The following PTPRG variants were observed in gnomAD, a reference collection of about 807,000 sequenced individuals.
PTPRG encodes the protein protein tyrosine phosphatase receptor type G, also known as receptor-type tyrosine-protein phosphatase gamma.
In PTPRG, 102 loss-of-function variants were observed where a neutral mutation model predicts 165.3. The ratio of observed to expected loss-of-function variants is 0.62; its 90% CI spans 0.53 to 0.73. The LOEUF is 0.73. Ranked by LOEUF, PTPRG falls within the 30% of genes least tolerant of loss-of-function variation. The probability of loss-of-function intolerance (pLI) is 0.00; values close to 1 mark genes in which losing one functional copy is unlikely to be tolerated. For missense variants in PTPRG, 1,866 were observed against 1,861.4 expected, an observed-to-expected ratio of 1.00 and a Z score of -0.05; for synonymous variants, 675 against 669.5, an observed-to-expected ratio of 1.01 and a Z score of -0.13.
At chr3:61,890,424 T>TG (rs2038180837) in intron 2 of PTPRG, among the ~76,000 whole-genome samples, 1 of 12,654 alleles carries the variant, frequency 7.9e-5, no homozygotes, top group Admixed American at 1.8e-3. Context: ...TTTTTTTTTG[T>TG]TTTTTTTTTT....
At chr3:61,586,150 C>G (rs1009766230) in intron 1 of PTPRG, among the ~76,000 whole-genome samples, 2 of 151,924 alleles carry the variant, frequency 1.3e-5, no homozygotes, top group Non-Finnish European at 2.9e-5. Flanking sequence ...ACTTTAATTG[C>G]TTTCATTGGG....
chr3:62,204,002 C>T, intron 12 of PTPRG, 52 bp downstream of exon 12: 1 of 1,502,000 alleles, frequency 6.7e-7, no homozygotes, highest in Non-Finnish European at 8.9e-7. Context: ...AATAGTCGTA[C>T]CCTTTTTCAA....
intron 1 of PTPRG, among the ~76,000 whole-genome samples, chr3:61,603,905 C>G (rs557362734): frequency 2.1e-4 from 32 of 152,338 alleles, no homozygotes; most frequent in African/African-American, 7.2e-4. Context: ...AGGGCTCATT[C>G]TACTCCAATA....
chr3:62,023,768 T>C (rs986885992), intron 4 of PTPRG, among the ~76,000 whole-genome samples: 2 of 152,144 alleles, frequency 1.3e-5, no homozygotes, highest in African/African-American at 4.8e-5. Context: ...CCTACTGTTT[T>C]GAGGTGAGCA....
chr3:61,868,692 T>C (rs868610110), intron 2 of PTPRG, among the ~76,000 whole-genome samples: 13 of 152,204 alleles, frequency 8.5e-5, no homozygotes, highest in South Asian at 6.2e-4. Flanking sequence ...GACAGTTTTT[T>C]TGTTTGAGTC....
In PTPRG at chr3:62,245,281, C is replaced by T. The variant is rs1701264830; in HGVS notation, c.2467+1383C>T. ...AGTAGAGAAGGTAGACAGGAATCAT[C>T]AGTCTTCATCAGCATGAAATAAGTA... On this transcript the variant is annotated intron_variant, in intron 15 of 29. Transcript: ENST00000474889. This position sits in a 1 kb window ranked among gnomAD's most constrained non-coding sequence, Gnocchi z 4.2. Among the ~76,000 whole-genome samples the T allele has an allele frequency of 6.6e-6, 1 of 152,176 alleles. No individual in the cohort carries two copies. The highest frequency in any genetic ancestry group is 1.5e-5 in the Non-Finnish European group (1 of 68,030).
At chr3:61,872,613 T>G (rs1159035637) in intron 2 of PTPRG, among the ~76,000 whole-genome samples, 2 of 152,316 alleles carry the variant, frequency 1.3e-5, no homozygotes, top group Non-Finnish European at 2.9e-5. Context: ...ATCACAATTT[T>G]TTTTTTCATG....
intron 2 of PTPRG, among the ~76,000 whole-genome samples, chr3:61,918,171 C>T (rs545001560): frequency 6.6e-6 from 1 of 152,068 alleles, no homozygotes; most frequent in East Asian, 1.9e-4. Flanking sequence ...CCAAGGAAGA[C>T]ACTAATCAAA....
intron 4 of PTPRG, among the ~76,000 whole-genome samples, chr3:62,039,275 T>C (rs1010770545): frequency 1.3e-5 from 2 of 151,922 alleles, no homozygotes; most frequent in Non-Finnish European, 2.9e-5. Context: ...TTTTGTTTTT[T>C]TTTTTAAAGA....
intron 2 of PTPRG, among the ~76,000 whole-genome samples, chr3:61,872,970 G>A (rs1474259525): frequency 1.3e-5 from 2 of 152,268 alleles, no homozygotes; most frequent in Non-Finnish European, 2.9e-5. Context: ...AGAGTTGATT[G>A]TGGGTCAGGC....
intron 2 of PTPRG, among the ~76,000 whole-genome samples, chr3:61,820,524 G>A (rs1415907946): frequency 6.6e-6 from 1 of 151,070 alleles, no homozygotes; most frequent in African/African-American, 2.4e-5. Context: ...GCACCCCATG[G>A]CCCAGTCAAG....
intron 2 of PTPRG, among the ~76,000 whole-genome samples, chr3:61,777,834 T>A (rs1334168927): frequency 6.6e-6 from 1 of 152,188 alleles, no homozygotes. Flanking sequence ...ACCATATTTT[T>A]ATTCTGAAGA....
In PTPRG at chr3:62,296,094, G is replaced by A. The variant is rs1703053264; in HGVS notation, c.*2787G>A. On this transcript the variant is annotated 3_prime_UTR_variant, in exon 30 of 30. Transcript: ENST00000474889. The stretch of plus-strand genomic sequence containing the variant: ...ATTGCAATGATCAGACCAAGTGGCT[G>A]TGCTGGACATCAAAGAAAAGACATG... 1 of 151,990 alleles carries A rather than the reference G, an allele frequency of 6.6e-6. No homozygotes were observed. The highest frequency in any genetic ancestry group is 1.5e-5 in the Non-Finnish European group (1 of 67,944). 9.4% of individuals were successfully genotyped at this position (151,990 alleles called of 1,614,324 possible).
intron 2 of PTPRG, among the ~76,000 whole-genome samples, chr3:61,921,597 A>G (rs2039079256): frequency 6.6e-6 from 1 of 152,216 alleles, no homozygotes; most frequent in African/African-American, 2.4e-5. Flanking sequence ...AATTAAAAAT[A>G]TTGTTTAAAA....
At position 62,036,905 on chromosome 3, in the gene PTPRG, A is replaced by T. The variant is rs552613553; in HGVS notation, c.519+33408A>T. On this transcript the variant is annotated intron_variant, in intron 4 of 29. Coordinates refer to ENST00000474889, the MANE Select transcript of PTPRG (RefSeq NM_002841.4). ...GCTGTGGGATGACACATCTGTGCAC[A>T]GCTCTGCACTCAGAAAACTCAGGCT... 2.0e-5 allele frequency among the ~76,000 whole-genome samples: 3 copies of T among 152,222 alleles called. No homozygotes were observed. In the South Asian group the frequency reaches 6.2e-4, roughly 32 times the overall value.
At chr3:61,751,047 G>A (rs185398754) in intron 2 of PTPRG, 12 of 152,194 alleles carry the variant, frequency 7.9e-5, no homozygotes, top group Admixed American at 7.9e-4. Context: ...AAGAAGAATA[G>A]AATGGGACAG....
At position 62,269,175 on chromosome 3, in the gene PTPRG, G is replaced by A; in HGVS notation, c.3009+6G>A. 10 of 1,571,972 alleles carry A rather than the reference G, an allele frequency of 6.4e-6. No individual in the cohort carries two copies. Among genetic ancestry groups the A allele is most frequent in the Non-Finnish European group, 8.7e-6 (10 of 1,149,522 alleles). On this transcript the variant is annotated splice_donor_region_variant and intron_variant, in intron 20 of 29. Coordinates refer to ENST00000474889, the MANE Select transcript of PTPRG (RefSeq NM_002841.4). ...GAAATACAAAAGTGAAAAAGGTATG[G>A]AAGGAATTGGGTAGGCTGCCAGGGC...
intron 4 of PTPRG, among the ~76,000 whole-genome samples, chr3:62,037,353 C>G (rs569773886): frequency 6.6e-6 from 1 of 152,202 alleles, no homozygotes; most frequent in South Asian, 2.1e-4. Context: ...CTCCAATCCT[C>G]ATTTCTTACC....
rs142149633 is a variant in PTPRG at position 61,848,480 on chromosome 3, A to T, written c.190+99498A>T. Among the ~76,000 whole-genome samples, 3 of 152,214 alleles carry T rather than the reference A, an allele frequency of 2.0e-5. No homozygotes were observed. The East Asian group carries it at 5.8e-4, about 29-fold the overall frequency. ...TGCTGAAGGAACATTTGCATTTTTT[A>T]TCTTTTCCAAGTTAAGGCTGTTCTT... On this transcript the variant is annotated intron_variant, in intron 2 of 29. Coordinates refer to ENST00000474889, the MANE Select transcript of PTPRG (RefSeq NM_002841.4).
Sources: allele counts gnomAD v4.1 joint callset (sites outside exome capture counted in the v4.1 genomes callset), GRCh38; gene constraint gnomAD v4.1.1; non-coding constraint Gnocchi (gnomAD v3.1); transcripts MANE v1.5; gene names NCBI Gene and HGNC (gene_info 2026-07-23, HGNC 2026-07-21).